Variants in SCARA3 observed in about 807,000 individuals in gnomAD.
The protein encoded by SCARA3 is scavenger receptor class A member 3.
Under a neutral mutation model 47.0 loss-of-function variants are expected in SCARA3, and 39 were observed. The ratio of observed to expected loss-of-function variants is 0.83; its 90% confidence interval spans 0.64 to 1.08. The LOEUF (loss-of-function observed/expected upper bound fraction) is 1.08. Among genes scored for constraint, SCARA3 ranks in the 50% least tolerant of loss-of-function variants. The pLI is 0.00. For missense variants in SCARA3, 724 were observed against 792.3 expected (o/e 0.91, Z 1.04); for synonymous variants, 356 against 334.1 (o/e 1.07, Z -0.71).
the SCARA3 span, among the ~76,000 whole-genome samples, chr8:27,696,937 G>T: frequency 6.6e-6 from 1 of 152,122 alleles, no homozygotes; most frequent in Non-Finnish European, 1.5e-5. Context: ...TTGAGGTGAT[G>T]AAAATGTTCT....
the SCARA3 span, among the ~76,000 whole-genome samples, chr8:27,693,515 G>A: frequency 1.3e-5 from 2 of 152,174 alleles, no homozygotes; most frequent in Non-Finnish European, 2.9e-5. Flanking sequence ...GAGCTGGAGA[G>A]ATGTTGGTTT....
At chr8:27,721,485 A>C in the SCARA3 span, among the ~76,000 whole-genome samples, 1 of 152,334 alleles carries the variant, frequency 6.6e-6, no homozygotes, top group East Asian at 1.9e-4. Flanking sequence ...AAAGCAAGAA[A>C]TATAAAGAAC....
the SCARA3 span, among the ~76,000 whole-genome samples, chr8:27,695,842 A>C: frequency 6.6e-6 from 1 of 152,144 alleles, no homozygotes; most frequent in African/African-American, 2.4e-5. Context: ...AGAATAAAGA[A>C]AAAATACAGT....
the SCARA3 span, among the ~76,000 whole-genome samples, chr8:27,717,948 C>T: frequency 6.6e-6 from 1 of 152,172 alleles, no homozygotes; most frequent in Non-Finnish European, 1.5e-5. Context: ...CAACCGCATC[C>T]TCTCAATCCT....
intron 4 of SCARA3, 52 bp downstream of exon 4, chr8:27,656,932 G>C: frequency 1.7e-6 from 2 of 1,207,270 alleles, no homozygotes; most frequent in Non-Finnish European, 2.5e-6. Flanking sequence ...GGTGGGGCAG[G>C]GGTGCCCTCC....
chr8:27,712,360 G>A, the SCARA3 span, among the ~76,000 whole-genome samples: 1 of 151,634 alleles, frequency 6.6e-6, no homozygotes, highest in African/African-American at 2.4e-5. Flanking sequence ...TCAGGAGATC[G>A]AGACCATCCC....
chr8:27,639,487 G>A (rs925547317), intron 1 of SCARA3, among the ~76,000 whole-genome samples: 3 of 152,140 alleles, frequency 2.0e-5, no homozygotes, highest in Non-Finnish European at 4.4e-5. Context: ...GCTGGGAAAA[G>A]TTGGACAGCA....
At chr8:27,694,548 A>C in the SCARA3 span, among the ~76,000 whole-genome samples, 1 of 152,194 alleles carries the variant, frequency 6.6e-6, no homozygotes. Context: ...CCTAGGAAAG[A>C]AAGTAAGGTG....
chr8:27,696,487 A>T, the SCARA3 span, among the ~76,000 whole-genome samples: 5 of 151,938 alleles, frequency 3.3e-5, no homozygotes, highest in African/African-American at 1.2e-4. Flanking sequence ...ACAGAGTCTC[A>T]CTCTGTCACC....
chr8:27,678,582 A>C (rs1159043139), downstream of SCARA3, among the ~76,000 whole-genome samples: 3 of 152,344 alleles, frequency 2.0e-5, no homozygotes, highest in East Asian at 5.8e-4. Context: ...AAATAGGCTC[A>C]CTGATGAATT....
chr8:27,663,771 C>T (rs1801960810), intron 5 of SCARA3, among the ~76,000 whole-genome samples: 1 of 152,208 alleles, frequency 6.6e-6, no homozygotes, highest in South Asian at 2.1e-4. Context: ...CTACCCGCCA[C>T]TGACACCTCA....
At chr8:27,720,107 A>T in the SCARA3 span, among the ~76,000 whole-genome samples, 1 of 152,086 alleles carries the variant, frequency 6.6e-6, no homozygotes, top group Admixed American at 6.5e-5. Context: ...AAATAACTGC[A>T]GTTGGAGAGG....
the SCARA3 span, among the ~76,000 whole-genome samples, chr8:27,712,821 T>C: frequency 6.6e-6 from 1 of 152,134 alleles, no homozygotes; most frequent in African/African-American, 2.4e-5. Flanking sequence ...TTGGGACTTA[T>C]GGTAAAAATA....
chr8:27,679,922 T>C (rs1802333212), downstream of SCARA3: 3 of 152,234 alleles, frequency 2.0e-5, no homozygotes, highest in Admixed American at 1.3e-4. Flanking sequence ...ATTCAGGAAG[T>C]CTTCCTTTTT....
chr8:27,687,371 G>C, the SCARA3 span, among the ~76,000 whole-genome samples: 1 of 152,116 alleles, frequency 6.6e-6, no homozygotes, highest in Admixed American at 6.5e-5. Flanking sequence ...CACTTCCCCT[G>C]CTCTAACCAG....
At chr8:27,692,361 G>A in the SCARA3 span, among the ~76,000 whole-genome samples, 2 of 151,640 alleles carry the variant, frequency 1.3e-5, no homozygotes, top group African/African-American at 4.8e-5. Context: ...TGAAGGTTGT[G>A]GTGAGCTGAG....
At position 27,671,339 on chromosome 8, in the gene SCARA3, G is replaced by A; in HGVS notation, c.1809G>A (p.Gln603=). 7.0e-7 allele frequency: 1 copy of A among 1,425,178 alleles called. No individual in the cohort carries two copies. Among genetic ancestry groups the A allele is most frequent in the Non-Finnish European group, 9.2e-7 (1 of 1,090,754 alleles). The allele number at this position is 1,425,178 out of a possible 1,614,324, so 88.3% of individuals were successfully genotyped here. ...GGCCTCCAGGTCCACCAGGAAGCCAGAGCTTCTACTGAGGAGGGCTGTGGC... is the reference window on the plus strand; with the variant it reads ...GGCCTCCAGGTCCACCAGGAAGCCAAAGCTTCTACTGAGGAGGGCTGTGGC... The part of the protein sequence containing the change: ...LPGPPGPPGS[Q]SFY Residue 603 remains glutamine (Q), a synonymous_variant, in exon 6 of 6, where the codon CAG becomes CAA. Transcript: ENST00000301904.
chr8:27,676,527 T>C, downstream of SCARA3: 1 of 1,606,850 alleles, frequency 6.2e-7, no homozygotes, highest in African/African-American at 1.3e-5. Context: ...AGGAACAAAC[T>C]ATTAAATATT....
chr8:27,692,822 C>T, the SCARA3 span, among the ~76,000 whole-genome samples: 1 of 152,074 alleles, frequency 6.6e-6, no homozygotes. Context: ...TTAACTCTTT[C>T]AATCAGAAAA....
Sources: allele counts gnomAD v4.1 joint callset (sites outside exome capture counted in the v4.1 genomes callset), GRCh38; gene constraint gnomAD v4.1.1; transcripts MANE v1.5; gene names NCBI Gene and HGNC (gene_info 2026-07-23, HGNC 2026-07-21).